Variants in DOP1B observed in about 807,000 individuals in gnomAD.
DOP1B encodes protein DOP1B.
DOP1B carries 174 observed loss-of-function variants against 233.5 expected under a neutral mutation model. That is an observed-to-expected ratio of 0.75 (90% CI 0.66 to 0.85). The LOEUF is 0.85. Among genes scored for constraint, DOP1B ranks in the 40% least tolerant of loss-of-function variants. DOP1B has a pLI of 0.00. For missense variants in DOP1B, 2,652 were observed against 2,846.6 expected (o/e 0.93, Z 1.56); for synonymous variants, 1,190 against 1,185.6 (o/e 1.00, Z -0.08).
chr21:36,157,921 T>C (rs960870152), intron 1 of DOP1B, among the ~76,000 whole-genome samples: 1 of 152,112 alleles, frequency 6.6e-6, no homozygotes, highest in Non-Finnish European at 1.5e-5. Flanking sequence ...GATCTGGCAG[T>C]TGGTTTTTCT....
intron 2 of DOP1B, among the ~76,000 whole-genome samples, chr21:36,167,940 CTTTTTTT>C (rs869190433): frequency 1.0e-4 from 4 of 40,014 alleles, no homozygotes; most frequent in African/African-American, 1.4e-4. Flanking sequence ...TTTTCTTTTT[CTTTTTTT>C]TTTTTTTTTT....
chr21:36,189,511 A>T (rs963180457), intron 2 of DOP1B, among the ~76,000 whole-genome samples: 1 of 151,378 alleles, frequency 6.6e-6, no homozygotes, highest in African/African-American at 2.4e-5. Flanking sequence ...AAGACGGTGG[A>T]TCACAAGGTC....
rs539016204 is a variant in DOP1B, at chr21:36,262,920, TAAATA to T, written c.5316-605_5316-601del. ...AACAATAATAAAATAAATAAATAAA[TAAATA>T]AAATAAAATAAAATAAAATAGAAGA... On this transcript the variant is annotated intron_variant, in intron 24 of 36. Transcript: ENST00000691173. Among the ~76,000 whole-genome samples, 1,163 of 144,222 alleles carry T rather than the reference TAAATA, an allele frequency of 8.1e-3. 10 individuals carry two copies. Among genetic ancestry groups the T allele is most frequent in the African/African-American group, 0.024 (935 of 39,292 alleles). The allele number at this position is 144,222 out of a possible 152,430, so 94.6% of individuals were successfully genotyped here.
chr21:36,289,349 C>T (rs892101306), intron 35 of DOP1B, 143 bp downstream of exon 35: 15 of 837,034 alleles, frequency 1.8e-5, no homozygotes, highest in Non-Finnish European at 2.8e-5. Flanking sequence ...CTCGGAATAC[C>T]AAGTTTCAGA....
At chr21:36,260,902 T>G in intron 24 of DOP1B, 170 bp downstream of exon 24, 1 of 1,431,080 alleles carries the variant, frequency 7.0e-7, no homozygotes, top group South Asian at 1.6e-5. Context: ...TGCTTTTCCT[T>G]CTCCAGAGAG....
At position 36,248,526 on chromosome 21, in the gene DOP1B, G is replaced by A. The variant is rs2066995147; in HGVS notation, c.4956G>A (p.Gly1652=). 6.2e-7 allele frequency: 1 copy of A among 1,612,604 alleles called. No homozygotes were observed. Among genetic ancestry groups the A allele is most frequent in the Non-Finnish European group, 8.5e-7 (1 of 1,179,646 alleles). Residue 1652 remains glycine (G), a synonymous_variant, in exon 21 of 37, where the codon GGG becomes GGA. Coordinates refer to ENST00000691173, the MANE Select transcript of DOP1B (RefSeq NM_001320714.2). ...ETQKRPVDLL[G]ATKGSSSVYF... ...AAAAGAGACCTGTCGATCTCCTAGG[G>A]GCCACGAAGGGATCCTCTTCCGTTT...
At chr21:36,159,315 G>T (rs1177960377) in intron 1 of DOP1B, among the ~76,000 whole-genome samples, 1 of 152,162 alleles carries the variant, frequency 6.6e-6, no homozygotes, top group East Asian at 1.9e-4. Context: ...GCCGGGCGTG[G>T]TGGCACCTGC....
At chr21:36,279,453 C>G (rs979602907) in intron 30 of DOP1B, among the ~76,000 whole-genome samples, 1 of 152,000 alleles carries the variant, frequency 6.6e-6, no homozygotes, top group Non-Finnish European at 1.5e-5. Flanking sequence ...GAAAGAAAGC[C>G]ACTCCTTTAT....
At chr21:36,270,290 C>A in intron 27 of DOP1B, 133 bp downstream of exon 27, 3 of 986,458 alleles carry the variant, frequency 3.0e-6, no homozygotes, top group Non-Finnish European at 1.5e-6. Context: ...CGGTGGCTCA[C>A]GCCTGTAATC....
intron 17 of DOP1B, 61 bp from the exon 18 acceptor site, chr21:36,239,704 C>A: frequency 6.8e-7 from 1 of 1,471,638 alleles, no homozygotes; most frequent in South Asian, 1.4e-5. Flanking sequence ...CAGTGTCTGC[C>A]ACGGTGCCTG....
chr21:36,211,800 A>G lies in DOP1B; in HGVS notation c.780+149A>G, dbSNP rs1466317145. The G allele has an allele frequency of 5.3e-6, 7 of 1,308,412 alleles. No individual in the cohort carries two copies. The African/African-American group carries it at 1.0e-4, about 19-fold the overall frequency. The allele number at this position is 1,308,412 out of a possible 1,614,324, so 81.1% of individuals were successfully genotyped here. A position where few individuals can be genotyped will look rare whatever the true frequency, so the allele number is the denominator to read the frequency against. On this transcript the variant is annotated intron_variant, in intron 6 of 36. Transcript: ENST00000691173. ...GTGAAAAGTCCTTGTTCATTTTTGC[A>G]AGGATAGCGTTTTCATTGCACGTAT... is the stretch of plus-strand genomic sequence containing the variant.
chr21:36,273,232 C>T (rs188143643), intron 27 of DOP1B, among the ~76,000 whole-genome samples: 1 of 151,696 alleles, frequency 6.6e-6, no homozygotes, highest in Non-Finnish European at 1.5e-5. Context: ...CATGATGAAA[C>T]CCTGTCTCTA....
At chr21:36,168,239 G>A (rs545188787) in intron 2 of DOP1B, among the ~76,000 whole-genome samples, 4 of 151,946 alleles carry the variant, frequency 2.6e-5, no homozygotes, top group African/African-American at 2.4e-5. Context: ...CCACCGCGCC[G>A]AGCCACATTT....
chr21:36,193,956 C>T (rs1226851227), intron 2 of DOP1B, among the ~76,000 whole-genome samples: 9 of 152,182 alleles, frequency 5.9e-5, no homozygotes, highest in African/African-American at 2.2e-4. Context: ...ATTCTTTATA[C>T]ATGGTAACTC....
rs111213022 is a variant in DOP1B, at chr21:36,257,807, G to A, written c.5260-2870G>A. On this transcript the variant is annotated intron_variant, in intron 23 of 36. Coordinates refer to ENST00000691173, the MANE Select transcript of DOP1B (RefSeq NM_001320714.2). ...AGGTAGGTAGGTAGATGTAGGGTAG[G>A]TATGTAGATAGATGTAGGTAGGTAG... is the stretch of plus-strand genomic sequence containing the variant. Among the ~76,000 whole-genome samples, 1,408 of 145,522 alleles carry A rather than the reference G, an allele frequency of 9.7e-3. 40 individuals are homozygous for A. Among genetic ancestry groups the A allele is most frequent in the African/African-American group, 0.034 (1,298 of 38,600 alleles).
chr21:36,182,316 C>T (rs748670240), intron 2 of DOP1B, among the ~76,000 whole-genome samples: 8 of 152,048 alleles, frequency 5.3e-5, no homozygotes, highest in Middle Eastern at 3.2e-3. Context: ...GGTGGTGATG[C>T]GCTGCAGGGT....
chr21:36,289,622 T>C (rs1331598885), intron 35 of DOP1B, among the ~76,000 whole-genome samples: 1 of 152,184 alleles, frequency 6.6e-6, no homozygotes, highest in East Asian at 1.9e-4. Context: ...CCCATAGGCT[T>C]ATGTTTCCTG....
intron 19 of DOP1B, among the ~76,000 whole-genome samples, chr21:36,247,046 AT>A (rs200241799): frequency 0.013 from 2,033 of 152,096 alleles, 43 homozygotes; most frequent in African/African-American, 0.042. Flanking sequence ...CATCTGGCTA[AT>A]TTTTTGTATT....
At chr21:36,175,411 C>T (rs116980085) in intron 2 of DOP1B, among the ~76,000 whole-genome samples, 1,759 of 152,140 alleles carry the variant, frequency 0.012, 47 homozygotes, top group East Asian at 0.11. Context: ...ACGCCTGGCC[C>T]AGATTTCCTC....
Sources: allele counts gnomAD v4.1 joint callset (sites outside exome capture counted in the v4.1 genomes callset), GRCh38; gene constraint gnomAD v4.1.1; transcripts MANE v1.5; gene names NCBI Gene and HGNC (gene_info 2026-07-23, HGNC 2026-07-21).